The following ZC3H13 variants were observed in gnomAD, a reference collection of about 807,000 sequenced individuals.
ZC3H13 encodes zinc finger CCCH domain-containing protein 13.
In ZC3H13, 64 loss-of-function variants were observed where a neutral mutation model predicts 204.1. That is an observed-to-expected ratio of 0.31 (90% CI 0.26 to 0.39). The LOEUF is 0.39. Among genes scored for constraint, ZC3H13 ranks in the 10% least tolerant of loss-of-function variants. ZC3H13 has a pLI of 1.00. For synonymous variants in ZC3H13, 667 were observed against 693.7 expected (o/e 0.96, Z 0.60); for missense variants, 1,833 against 2,082.7 (o/e 0.88, Z 2.33).
intron 4 of ZC3H13, among the ~76,000 whole-genome samples, chr13:46,039,413 T>C (rs570515791): frequency 2.0e-4 from 31 of 152,354 alleles, no homozygotes; most frequent in African/African-American, 7.5e-4. Context: ...ATACCATTTA[T>C]TACGCATGTG....
At chr13:46,024,696 A>T (rs1326808568) in intron 4 of ZC3H13, among the ~76,000 whole-genome samples, 1 of 147,160 alleles carries the variant, frequency 6.8e-6, no homozygotes, top group Non-Finnish European at 1.5e-5. Flanking sequence ...ATTCTCAGCT[A>T]CTATTTCTTA....
At chr13:45,972,879 C>T (rs190711927) in intron 12 of ZC3H13, among the ~76,000 whole-genome samples, 97 of 152,348 alleles carry the variant, frequency 6.4e-4, no homozygotes, top group African/African-American at 2.0e-3. Flanking sequence ...CCATTACATG[C>T]AAAGCAGAGT....
chr13:46,035,178 C>T (rs1188661265), intron 4 of ZC3H13, among the ~76,000 whole-genome samples: 2 of 152,166 alleles, frequency 1.3e-5, no homozygotes, highest in African/African-American at 2.4e-5. Flanking sequence ...AGGGAAGAGA[C>T]CACATAGAGA....
chr13:45,990,172 C>T (rs1005470047), intron 8 of ZC3H13, among the ~76,000 whole-genome samples: 1 of 152,062 alleles, frequency 6.6e-6, no homozygotes, highest in African/African-American at 2.4e-5. Context: ...TGTTTAACAG[C>T]ATCCCTGGCC....
rs752206568 is a variant in ZC3H13 at position 45,963,959 on chromosome 13, A to G, written c.4558T>C (p.Leu1520=). 6.2e-7 allele frequency: 1 copy of G among 1,614,176 alleles called. No individual in the cohort carries two copies. Among genetic ancestry groups the G allele is most frequent in the Non-Finnish European group, 8.5e-7 (1 of 1,180,012 alleles). The change falls in exon 17 of 19, where the codon TTA becomes CTA. Residue 1520 remains leucine, a synonymous_variant. Coordinates refer to ENST00000679008, the MANE Select transcript of ZC3H13 (RefSeq NM_001330564.2). ...KEPREPGAAL[L]KFTPGAVMLR... ...ATAACAGCTCCAGGTGTGAATTTTA[A>G]GAGTGCAGCCCCAGGCTCTCGTGGT...
chr13:46,035,467 T>G (rs375994885), intron 4 of ZC3H13, among the ~76,000 whole-genome samples: 1 of 152,236 alleles, frequency 6.6e-6, no homozygotes, highest in East Asian at 1.9e-4. Context: ...GTTTTTTCCA[T>G]ATAAAATGAA....
intron 7 of ZC3H13, among the ~76,000 whole-genome samples, chr13:46,004,421 T>A (rs1425500639): frequency 6.6e-6 from 1 of 152,040 alleles, no homozygotes; most frequent in Non-Finnish European, 1.5e-5. Flanking sequence ...GTGCCTGTAA[T>A]CCCAGCTACT....
At chr13:46,006,138 C>G (rs2041132390) in intron 7 of ZC3H13, among the ~76,000 whole-genome samples, 2 of 151,370 alleles carry the variant, frequency 1.3e-5, no homozygotes, top group Admixed American at 1.3e-4. Context: ...GATAAACTGG[C>G]TCATCTGATC....
At chr13:46,048,287 T>C (rs910425828) in intron 1 of ZC3H13, among the ~76,000 whole-genome samples, 1 of 152,092 alleles carries the variant, frequency 6.6e-6, no homozygotes, top group African/African-American at 2.4e-5. Context: ...AGGCAAACTT[T>C]GAAGATTTCG....
chr13:45,968,890 T>G lies in ZC3H13; in HGVS notation c.3654A>C (p.Gly1218=). 6.2e-7 allele frequency: 1 copy of G among 1,614,206 alleles called. No homozygotes were observed. Among genetic ancestry groups the G allele is most frequent in the East Asian group, 2.2e-5 (1 of 44,888 alleles). The change falls in exon 14 of 19, where the codon GGA becomes GGC. Residue 1218 remains glycine (G), a synonymous_variant. Transcript: ENST00000679008. ...SPSNDSAHRS[G]DDQSGRKRVL... ...CTCTCTTTCGACCACTTTGGTCATCTCCACTTCGATGGGCTGAATCATTGG... is the reference window on the plus strand; with the variant it reads ...CTCTCTTTCGACCACTTTGGTCATCGCCACTTCGATGGGCTGAATCATTGG...
chr13:45,960,952 G>A (rs1375560750), intron 17 of ZC3H13, among the ~76,000 whole-genome samples: 1 of 152,178 alleles, frequency 6.6e-6, no homozygotes, highest in African/African-American at 2.4e-5. Flanking sequence ...CTAGTCAATA[G>A]ATGTGTAACA....
chr13:46,029,492 G>C (rs913851490), intron 4 of ZC3H13, among the ~76,000 whole-genome samples: 1 of 146,708 alleles, frequency 6.8e-6, no homozygotes, highest in African/African-American at 2.5e-5. Flanking sequence ...GCAGTGGCGC[G>C]ATCTCGGCTC....
intron 10 of ZC3H13, among the ~76,000 whole-genome samples, chr13:45,983,413 ATTTTTT>A (rs1555277661): frequency 3.2e-5 from 1 of 31,128 alleles, no homozygotes; most frequent in Non-Finnish European, 4.9e-5. Context: ...ATATATATAT[ATTTTTT>A]TTTTTTTTTT....
At position 45,959,728 on chromosome 13, in the gene ZC3H13, T is replaced by C. The variant is rs41284149; in HGVS notation, c.4676-82A>G. ...ACTACTTAACTGAATATTCTACAAA[T>C]TTTATACTTTATTAAAGTTAGCAAC... On this transcript the variant is annotated intron_variant, in intron 17 of 18. Transcript: ENST00000679008. The C allele has an allele frequency of 1.8e-4, 242 of 1,352,144 alleles. 1 individual carries two copies. The highest frequency in any genetic ancestry group is 2.3e-4 in the Non-Finnish European group (234 of 1,035,588). 83.8% of individuals were successfully genotyped at this position (1,352,144 alleles called of 1,614,324 possible).
intron 5 of ZC3H13, among the ~76,000 whole-genome samples, chr13:46,013,205 A>C (rs954298121): frequency 3.9e-5 from 6 of 152,078 alleles, no homozygotes; most frequent in Non-Finnish European, 7.4e-5. Context: ...CATCAGGTCA[A>C]GAAATCGAGA....
rs763069853 is a variant in ZC3H13 at position 45,975,524 on chromosome 13, G to A, written c.2227C>T (p.Arg743Ter). 1.2e-6 allele frequency: 2 copies of A among 1,600,800 alleles called. No homozygotes were observed. The highest frequency in any genetic ancestry group is 1.7e-6 in the Non-Finnish European group (2 of 1,174,870). ...HDRERERERE[R>*]DREKERERER... Reference sequence around the variant, plus strand: ...CGTTCCCGTTCTTTTTCCCTGTCTCGTTCCCTCTCTCTTTCCCGCTCTCGA... The same window carrying A: ...CGTTCCCGTTCTTTTTCCCTGTCTCATTCCCTCTCTCTTTCCCGCTCTCGA... The change falls in exon 12 of 19, where the codon CGA becomes TGA. Residue 743 changes from arginine to a stop codon, truncating the protein, a stop_gained. Transcript: ENST00000679008. LOFTEE classifies it high-confidence loss of function.
chr13:45,977,725 T>C (rs1953178428), intron 11 of ZC3H13, among the ~76,000 whole-genome samples: 2 of 125,448 alleles, frequency 1.6e-5, no homozygotes, highest in East Asian at 2.6e-4. Flanking sequence ...TCTTCTTAGA[T>C]GCCTATGTCA....
chr13:45,989,186 T>A, intron 8 of ZC3H13, 89 bp from the exon 9 acceptor site: 1 of 1,249,404 alleles, frequency 8.0e-7, no homozygotes, highest in Non-Finnish European at 1.1e-6. Context: ...AAAGTGAATA[T>A]GAAAGTATAG....
At chr13:46,033,688 C>T (rs1325999962) in intron 4 of ZC3H13, among the ~76,000 whole-genome samples, 4 of 152,020 alleles carry the variant, frequency 2.6e-5, no homozygotes, top group Non-Finnish European at 5.9e-5. Flanking sequence ...GTAAAAGGAA[C>T]CAAGTTTTTT....
Sources: gnomAD v4.1 joint callset for allele counts (sites outside exome capture counted in the v4.1 genomes callset) on GRCh38, gnomAD v4.1.1 for gene constraint, MANE v1.5 for transcripts, NCBI Gene and HGNC (gene_info 2026-07-23, HGNC 2026-07-21) for gene names.